The following CLIC5 variants were observed in gnomAD, a reference collection of about 807,000 sequenced individuals.
CLIC5 encodes the protein CLIC family member 5, also known as chloride intracellular channel protein 5.
Under a neutral mutation model 24.7 loss-of-function variants are expected in CLIC5, and 20 were observed. The ratio of observed to expected loss-of-function variants is 0.81; its 90% CI spans 0.57 to 1.18. CLIC5 has a LOEUF of 1.18. Ranked by LOEUF, CLIC5 falls within the 50% of genes most tolerant of loss-of-function variation. The pLI is 0.00. For missense variants in CLIC5, 341 were observed against 326.1 expected (o/e 1.05, Z -0.35); for synonymous variants, 159 against 135.6 (o/e 1.17, Z -1.20).
chr6:45,999,401 G>T (rs193219565), intron 1 of CLIC5, among the ~76,000 whole-genome samples: 3 of 152,118 alleles, frequency 2.0e-5, no homozygotes, highest in Non-Finnish European at 2.9e-5. Context: ...GTGGATGTGG[G>T]TATTTCAGTT....
At position 45,994,117 on chromosome 6, in the gene CLIC5, G is replaced by T. The variant is rs547734102; in HGVS notation, c.63+21363C>A. ...CATGGTCAGCAGATATCCCCACCAA[G>T]ACCACATCTTCAGTGAAGGCTGACC... On this transcript the variant is annotated intron_variant, in intron 1 of 5. Coordinates refer to ENST00000339561, the MANE Select transcript of CLIC5 (RefSeq NM_016929.5). 1.1e-4 allele frequency among the ~76,000 whole-genome samples: 17 copies of T among 152,230 alleles called. 1 individual carries two copies. The highest frequency in any genetic ancestry group is 2.9e-4 in the African/African-American group (12 of 41,546).
intron 1 of CLIC5, among the ~76,000 whole-genome samples, chr6:46,053,439 T>C (rs371741110): frequency 1.3e-5 from 2 of 152,346 alleles, no homozygotes; most frequent in East Asian, 1.9e-4. Context: ...TAACACTTGC[T>C]AAATGAATAA....
chr6:46,021,401 A>C (rs1057341179), intron 1 of CLIC5, among the ~76,000 whole-genome samples: 7 of 152,196 alleles, frequency 4.6e-5, no homozygotes, highest in African/African-American at 1.7e-4. Context: ...TACACTTACT[A>C]TATGGCCCAC....
At chr6:45,926,862 A>T (rs1453334528) in intron 4 of CLIC5, among the ~76,000 whole-genome samples, 1 of 152,220 alleles carries the variant, frequency 6.6e-6, no homozygotes, top group Non-Finnish European at 1.5e-5. Flanking sequence ...GTTCTAAGTG[A>T]GATTATTCAC....
At chr6:45,938,756 A>G (rs181499330) in intron 4 of CLIC5, among the ~76,000 whole-genome samples, 2 of 152,298 alleles carry the variant, frequency 1.3e-5, no homozygotes, top group Admixed American at 1.3e-4. Flanking sequence ...ATAATTTTAA[A>G]AATCTGGAGG....
At chr6:45,958,437 T>TACACACACACACACACACACACACAC (rs1561964449) in intron 1 of CLIC5, among the ~76,000 whole-genome samples, 1 of 7,770 alleles carries the variant, frequency 1.3e-4, no homozygotes, top group African/African-American at 3.0e-4. Flanking sequence ...TATATATATA[T>TACACACACACACACACACACACACAC]ATATATATAT....
At chr6:45,924,315 G>T (rs1001277019) in intron 4 of CLIC5, among the ~76,000 whole-genome samples, 7 of 152,098 alleles carry the variant, frequency 4.6e-5, no homozygotes, top group Non-Finnish European at 8.8e-5. Context: ...CAACCTTAAA[G>T]GTTGGGGGTG....
In CLIC5 at chr6:45,981,141, TG is replaced by T. The variant is rs563947570; in HGVS notation, c.64-25898del. Among the ~76,000 whole-genome samples the T allele has an allele frequency of 6.9e-4, 105 of 152,182 alleles. No individual in the cohort carries two copies. The East Asian group carries it at 8.3e-3, about 12-fold the overall frequency. On this transcript the variant is annotated intron_variant, in intron 1 of 5. Transcript: ENST00000339561. ...TTTACCACCAGGTCTGGCTAATTTT[TG>T]TATTTCTTGTAGAGATGTGGTTTTT...
intron 1 of CLIC5, among the ~76,000 whole-genome samples, chr6:45,977,188 ATTTTTGAC>A (rs1383837988): frequency 6.6e-6 from 1 of 152,092 alleles, no homozygotes; most frequent in Non-Finnish European, 1.5e-5. Context: ...TTCATTCTTT[ATTTTTGAC>A]TTTGTGGCCT....
At chr6:45,884,424 C>T (rs1762286501) in intron 6 of CLIC5, among the ~76,000 whole-genome samples, 1 of 152,186 alleles carries the variant, frequency 6.6e-6, no homozygotes, top group Non-Finnish European at 1.5e-5. Flanking sequence ...CATGCTGACA[C>T]CAGCATCCCT....
At chr6:45,907,563 T>C (rs1206728447) in intron 5 of CLIC5, among the ~76,000 whole-genome samples, 1 of 152,162 alleles carries the variant, frequency 6.6e-6, no homozygotes, top group Non-Finnish European at 1.5e-5. Context: ...GAAGGAGTCC[T>C]TCCTTGATAT....
In CLIC5 at chr6:45,900,525, T is replaced by G. The variant is rs568093188; in HGVS notation, c.*2563A>C. ...TGAAGCATCTGGAGAAAGATCTCTT[T>G]TGAAACAAAAAAAAAAAGGAAGGTA... is the stretch of plus-strand genomic sequence containing the variant. On this transcript the variant is annotated 3_prime_UTR_variant, in exon 6 of 6. Transcript: ENST00000339561. 2.2e-5 allele frequency: 1 copy of G among 46,252 alleles called. No individual in the cohort carries two copies. 2.9% of individuals were successfully genotyped at this position (46,252 alleles called of 1,614,324 possible).
chr6:45,961,041 T>C (rs1297871695), intron 1 of CLIC5, among the ~76,000 whole-genome samples: 1 of 152,240 alleles, frequency 6.6e-6, no homozygotes, highest in East Asian at 1.9e-4. Flanking sequence ...TCACTCCTGA[T>C]TGGACCCAGA....
intron 1 of CLIC5, among the ~76,000 whole-genome samples, chr6:46,051,036 A>G (rs1189427411): frequency 6.6e-6 from 1 of 152,172 alleles, no homozygotes; most frequent in Admixed American, 6.5e-5. Context: ...ACCAACTACA[A>G]AAAGATTTTT....
At chr6:46,098,500 C>T in the CLIC5 span, among the ~76,000 whole-genome samples, 2 of 152,042 alleles carry the variant, frequency 1.3e-5, no homozygotes, top group African/African-American at 4.8e-5. Context: ...GGGCAGACAA[C>T]AAAATATGTT....
intron 1 of CLIC5, among the ~76,000 whole-genome samples, chr6:46,028,486 G>A (rs979469739): frequency 5.9e-5 from 9 of 152,178 alleles, no homozygotes; most frequent in African/African-American, 2.2e-4. Flanking sequence ...ATAAAATATT[G>A]TAATATGAAA....
Position 46,080,050 on chromosome 6 carries a change from TA to T in CLIC5, c.192del (p.Lys65ArgfsTer66). 2 of 1,551,676 alleles carry T rather than the reference TA, an allele frequency of 1.3e-6. No homozygotes were observed. Among genetic ancestry groups the T allele is most frequent in the Non-Finnish European group, 1.7e-6 (2 of 1,146,964 alleles). On this transcript the variant is annotated frameshift_variant, in exon 1 of 6. Transcript: ENST00000185206. LOFTEE classifies it high-confidence loss of function. ...GAGGCCAAGCTGGTCTCTTCACCCT[TA>T]ATGGTATAGACTGACACAAAATCAT...
rs1360381237 is a variant in CLIC5 at position 45,903,069 on chromosome 6, TG to T, written c.*18del. On this transcript the variant is annotated 3_prime_UTR_variant, in exon 6 of 6. Transcript: ENST00000339561. ...TGGTTGAGTCCTTCTGCAGCGGGGA[TG>T]GGGCAAAATGGCTGTGCTCAGGATC... 7.4e-6 allele frequency: 12 copies of T among 1,613,752 alleles called. No individual in the cohort carries two copies. The highest frequency in any genetic ancestry group is 1.0e-5 in the Non-Finnish European group (12 of 1,179,910).
Position 45,923,567 on chromosome 6 carries a change from G to A in CLIC5, c.407-9158C>T, listed in dbSNP as rs545765027. Among the ~76,000 whole-genome samples, 4 of 152,316 alleles carry A rather than the reference G, an allele frequency of 2.6e-5. No individual in the cohort carries two copies. The East Asian group carries it at 7.7e-4, about 29-fold the overall frequency. The stretch of plus-strand genomic sequence containing the variant: ...CTTCCAGTTGCCCATTCTTTTATTT[G>A]TTAAACAGGCATCTATTCGGTGCCC... On this transcript the variant is annotated intron_variant, in intron 4 of 5. Transcript: ENST00000339561.
Sources: allele counts gnomAD v4.1 joint callset (sites outside exome capture counted in the v4.1 genomes callset), GRCh38; gene constraint gnomAD v4.1.1; transcripts MANE v1.5; gene names NCBI Gene and HGNC (gene_info 2026-07-23, HGNC 2026-07-21).